The following PRDM5 variants were observed in gnomAD, a reference collection of about 807,000 sequenced individuals.
The protein encoded by PRDM5 is PR domain zinc finger protein 5.
In PRDM5, 56 loss-of-function variants were observed where a neutral mutation model predicts 81.2. The ratio of observed to expected loss-of-function variants is 0.69; its 90% CI spans 0.56 to 0.86. The LOEUF is 0.86. PRDM5 is among the 40% of genes least tolerant of loss of function. PRDM5 has a pLI of 0.00. For synonymous variants in PRDM5, 267 were observed against 256.4 expected (o/e 1.04, Z -0.39); for missense variants, 697 against 770.1 (o/e 0.91, Z 1.12).
chr4:120,830,845 A>C (rs1756628811), intron 3 of PRDM5, among the ~76,000 whole-genome samples: 1 of 152,106 alleles, frequency 6.6e-6, no homozygotes, highest in Non-Finnish European at 1.5e-5. Flanking sequence ...ATTAAACAAA[A>C]AAATCAAGTC....
intron 14 of PRDM5, among the ~76,000 whole-genome samples, chr4:120,723,623 GAA>G (rs1343819685): frequency 6.6e-6 from 1 of 151,910 alleles, no homozygotes; most frequent in Non-Finnish European, 1.5e-5. Context: ...AAATGAAAGA[GAA>G]AGAAATATAA....
At chr4:120,867,825 G>A (rs1270380899) in intron 2 of PRDM5, among the ~76,000 whole-genome samples, 1 of 152,198 alleles carries the variant, frequency 6.6e-6, no homozygotes, top group African/African-American at 2.4e-5. Flanking sequence ...TTCATTGGCA[G>A]CTGTTAGCAC....
chr4:120,853,618 CG>C, intron 2 of PRDM5, 78 bp from the exon 3 acceptor site: 1 of 1,580,920 alleles, frequency 6.3e-7, no homozygotes, highest in South Asian at 1.1e-5. Flanking sequence ...TAGGACATGA[CG>C]TTTTTTCATA....
chr4:120,871,569 G>A (rs1258279113), intron 2 of PRDM5, among the ~76,000 whole-genome samples: 1 of 152,148 alleles, frequency 6.6e-6, no homozygotes, highest in Non-Finnish European at 1.5e-5. Flanking sequence ...TAACCAAAAT[G>A]TCCGTATAAA....
chr4:120,754,765 C>G, intron 13 of PRDM5, 127 bp from the exon 14 acceptor site: 2 of 724,490 alleles, frequency 2.8e-6, no homozygotes, highest in South Asian at 3.0e-5. Flanking sequence ...GAAGTGGCTC[C>G]AGGCACAGCA....
chr4:120,871,921 G>A (rs1052169772), intron 2 of PRDM5, among the ~76,000 whole-genome samples: 1 of 151,954 alleles, frequency 6.6e-6, no homozygotes, highest in Non-Finnish European at 1.5e-5. Flanking sequence ...GGGAGGCCGA[G>A]GTGGGCAGAT....
At chr4:120,796,251 T>C (rs1275742491) in intron 10 of PRDM5, among the ~76,000 whole-genome samples, 1 of 152,180 alleles carries the variant, frequency 6.6e-6, no homozygotes. Context: ...ATATTTCAGG[T>C]ATTTTCATGT....
At chr4:120,779,844 G>A (rs938048107) in intron 12 of PRDM5, among the ~76,000 whole-genome samples, 1 of 151,904 alleles carries the variant, frequency 6.6e-6, no homozygotes, top group African/African-American at 2.4e-5. Context: ...CACAGGTTGT[G>A]GAGAGCGGAG....
intron 10 of PRDM5, among the ~76,000 whole-genome samples, chr4:120,797,403 G>T (rs1175438676): frequency 6.6e-6 from 1 of 152,060 alleles, no homozygotes; most frequent in Non-Finnish European, 1.5e-5. Flanking sequence ...GATTGCAGCA[G>T]GAAGTGATAA....
chr4:120,721,890 T>C (rs565856317), intron 14 of PRDM5, among the ~76,000 whole-genome samples: 3 of 152,302 alleles, frequency 2.0e-5, no homozygotes, highest in Admixed American at 1.3e-4. Context: ...AAAGGTATAA[T>C]TGCCCTGTTG....
chr4:120,729,299 T>C (rs1362120854), intron 14 of PRDM5, among the ~76,000 whole-genome samples: 1 of 152,228 alleles, frequency 6.6e-6, no homozygotes, highest in Non-Finnish European at 1.5e-5. Flanking sequence ...TCTATTTTAA[T>C]GAATGACCTT....
At chr4:120,738,425 TTTAAC>T (rs142848565) in intron 14 of PRDM5, among the ~76,000 whole-genome samples, 1,716 of 152,302 alleles carry the variant, frequency 0.011, 34 homozygotes, top group African/African-American at 0.039. Context: ...AAGCTCTTAA[TTTAAC>T]TTATTTATAT....
chr4:120,793,857 ATGTG>A (rs56084382), intron 10 of PRDM5, among the ~76,000 whole-genome samples: 14,672 of 151,778 alleles, frequency 0.097, 900 homozygotes, highest in South Asian at 0.2. Context: ...TCATTTCACA[ATGTG>A]TGTGTGTGTG....
rs768783092 is a variant in PRDM5, at chr4:120,798,394, T to C, written c.1061A>G (p.Asn354Ser). The part of the protein sequence containing the change: ...EKRPYNCEIC[N>S]KSFKRLDQVG... ...TTGATCAAGCCTCTTGAAAGACTTA[T>C]TACAAATCTCGCAATTATAGGGTCG... Residue 354 changes from asparagine (N) to serine (S), a missense_variant, in exon 10 of 16, where the codon AAT (asparagine) becomes AGT (serine). Physicochemically the swap from Asn to Ser is conservative, Grantham distance 46. Coordinates refer to ENST00000264808, the MANE Select transcript of PRDM5 (RefSeq NM_018699.4). The C allele has an allele frequency of 1.2e-6, 2 of 1,612,178 alleles. No individual in the cohort carries two copies. The highest frequency in any genetic ancestry group is 1.7e-6 in the Non-Finnish European group (2 of 1,178,530).
chr4:120,727,647 A>G (rs900892812), intron 14 of PRDM5, among the ~76,000 whole-genome samples: 5 of 152,196 alleles, frequency 3.3e-5, no homozygotes, highest in Admixed American at 3.3e-4. Context: ...TGAAAGTACC[A>G]GTGAAGGGCC....
At chr4:120,821,424 TG>T in intron 3 of PRDM5, 79 bp from the exon 4 acceptor site, 1 of 1,329,086 alleles carries the variant, frequency 7.5e-7, no homozygotes, top group Non-Finnish European at 1.1e-6. Context: ...GATACATTAA[TG>T]GAGTACTATG....
intron 3 of PRDM5, among the ~76,000 whole-genome samples, chr4:120,841,646 G>T (rs1161174701): frequency 6.6e-6 from 1 of 152,094 alleles, no homozygotes; most frequent in Non-Finnish European, 1.5e-5. Context: ...AATCTTGCCT[G>T]GCAACAAGTA....
intron 8 of PRDM5, among the ~76,000 whole-genome samples, chr4:120,806,360 T>C (rs1199143597): frequency 6.6e-6 from 1 of 152,158 alleles, no homozygotes; most frequent in Non-Finnish European, 1.5e-5. Flanking sequence ...TGAAAGTTCC[T>C]ATGGAACTAA....
At chr4:120,917,553 T>G (rs1351098625) in intron 1 of PRDM5, among the ~76,000 whole-genome samples, 2 of 152,144 alleles carry the variant, frequency 1.3e-5, no homozygotes, top group African/African-American at 4.8e-5. Context: ...TTAACTATTG[T>G]ACCCCAAAGT....
Sources: allele counts gnomAD v4.1 joint callset (sites outside exome capture counted in the v4.1 genomes callset), GRCh38; gene constraint gnomAD v4.1.1; transcripts MANE v1.5; gene names NCBI Gene and HGNC (gene_info 2026-07-23, HGNC 2026-07-21).